Variants in TRPC4 observed in about 807,000 individuals in gnomAD.
The protein encoded by TRPC4 is transient receptor potential cation channel subfamily C member 4, also known as short transient receptor potential channel 4.
TRPC4 carries 49 observed loss-of-function variants against 99.4 expected under a neutral mutation model. The observed-to-expected ratio is 0.49, with a 90% CI of 0.39 to 0.63. TRPC4 has a LOEUF of 0.63. Ranked by LOEUF, TRPC4 falls within the 20% of genes least tolerant of loss-of-function variation. The probability of loss-of-function intolerance (pLI) is 0.00; values close to 1 mark genes in which losing one functional copy is unlikely to be tolerated. For missense variants in TRPC4, 898 were observed against 1,152.9 expected, an observed-to-expected ratio of 0.78 and a Z score of 3.20; for synonymous variants, 454 against 425.9, an observed-to-expected ratio of 1.07 and a Z score of -0.81.
chr13:37,746,537 A>G, intron 2 of TRPC4, 82 bp from the exon 3 acceptor site: 1 of 1,441,350 alleles, frequency 6.9e-7, no homozygotes, highest in South Asian at 1.4e-5. Context: ...CTATAGCAAT[A>G]TGGAACAGGG....
intron 3 of TRPC4, among the ~76,000 whole-genome samples, chr13:37,694,656 T>C (rs2138894168): frequency 6.6e-6 from 1 of 152,340 alleles, no homozygotes; most frequent in South Asian, 2.1e-4. Flanking sequence ...AAGTACTTTT[T>C]CTTTCTTTAG....
chr13:37,690,870 C>T (rs1195257013), intron 4 of TRPC4, among the ~76,000 whole-genome samples: 1 of 151,612 alleles, frequency 6.6e-6, no homozygotes, highest in East Asian at 1.9e-4. Flanking sequence ...AGAGTTAACC[C>T]AAACTGATAT....
chr13:37,796,502 T>A (rs1593763680), intron 1 of TRPC4, among the ~76,000 whole-genome samples: 1 of 152,128 alleles, frequency 6.6e-6, no homozygotes, highest in East Asian at 1.9e-4. Flanking sequence ...AGGTTTTTAT[T>A]ATGTTCTGCA....
intron 1 of TRPC4, among the ~76,000 whole-genome samples, chr13:37,792,610 A>G (rs1232186003): frequency 6.6e-6 from 1 of 152,126 alleles, no homozygotes; most frequent in African/African-American, 2.4e-5. Context: ...AAGATTAGAC[A>G]AAGAAAGGAA....
At chr13:37,686,685 C>G (rs561662115) in intron 4 of TRPC4, among the ~76,000 whole-genome samples, 7 of 152,258 alleles carry the variant, frequency 4.6e-5, no homozygotes, top group African/African-American at 1.7e-4. Flanking sequence ...AGGCAAGTTG[C>G]ATAATCTGGC....
In TRPC4 at chr13:37,746,129, A is replaced by G. The variant is rs953286247; in HGVS notation, c.705T>C (p.Asn235=). 3.7e-6 allele frequency: 6 copies of G among 1,613,710 alleles called. No individual in the cohort carries two copies. Among genetic ancestry groups the G allele is most frequent in the Admixed American group, 1.7e-5 (1 of 59,968 alleles). ...GCTCTTCATACTCCGACTTGAATTC[A>G]TTTTCCACCTTGCTCAGTTCCTGAA... ...WELQELSKVE[N]EFKSEYEELS... Residue 235 remains asparagine, a synonymous_variant, in exon 3 of 11, where the codon AAT becomes AAC. Coordinates refer to ENST00000379705, the MANE Select transcript of TRPC4 (RefSeq NM_016179.4).
At chr13:37,816,502 G>C (rs1957858369) in intron 1 of TRPC4, among the ~76,000 whole-genome samples, 1 of 151,788 alleles carries the variant, frequency 6.6e-6, no homozygotes, top group Admixed American at 6.6e-5. Context: ...TATTTGAGGA[G>C]AAAAGACTCC....
chr13:37,723,571 T>C (rs1283077552), intron 3 of TRPC4, among the ~76,000 whole-genome samples: 1 of 152,192 alleles, frequency 6.6e-6, no homozygotes, highest in Non-Finnish European at 1.5e-5. Flanking sequence ...TTTTGTTTTT[T>C]TGACAGAGTC....
At chr13:37,760,810 C>A (rs570041300) in intron 2 of TRPC4, among the ~76,000 whole-genome samples, 1 of 152,078 alleles carries the variant, frequency 6.6e-6, no homozygotes, top group Non-Finnish European at 1.5e-5. Flanking sequence ...GGAAGCCAAA[C>A]AATTAGACAT....
rs1490605916 is a variant in TRPC4 at position 37,637,271 on chromosome 13, C to A, written c.2566G>T (p.Ala856Ser). The part of the protein sequence containing the change: ...GLFHRRSKQN[A>S]AEQNANQIFS... ...ATTTGGTTTGCATTTTGCTCAGCAG[C>A]ATTTTGTTTTGATCGTCTATGAAAT... Residue 856 changes from alanine (A) to serine (S), a missense_variant, in exon 11 of 11, where the codon GCT becomes TCT. This residue lies in a region of TRPC4 where 346 missense variants were observed against 351.4 expected (regional missense o/e 0.98). Coordinates refer to ENST00000379705, the MANE Select transcript of TRPC4 (RefSeq NM_016179.4). The A allele has an allele frequency of 6.8e-6, 11 of 1,613,774 alleles. No individual in the cohort carries two copies. The highest frequency in any genetic ancestry group is 9.3e-6 in the Non-Finnish European group (11 of 1,179,884).
intron 3 of TRPC4, among the ~76,000 whole-genome samples, chr13:37,698,167 C>CTTTTT (rs67611413): frequency 2.3e-5 from 1 of 42,556 alleles, no homozygotes. Flanking sequence ...AAGGACTAAC[C>CTTTTT]TTTTTTTTTT....
Position 37,634,217 on chromosome 13 carries a change from C to T in TRPC4, c.*2686G>A, listed in dbSNP as rs545032389. The stretch of plus-strand genomic sequence containing the variant: ...GAATAGAAACGAACACCCTGAAGTA[C>T]GCACTTACAAACCTCAAAGAAACAG... On this transcript the variant is annotated 3_prime_UTR_variant, in exon 11 of 11. Coordinates refer to ENST00000379705, the MANE Select transcript of TRPC4 (RefSeq NM_016179.4). Among the ~76,000 whole-genome samples, 2 of 152,134 alleles carry T rather than the reference C, an allele frequency of 1.3e-5. No homozygotes were observed. Among genetic ancestry groups the T allele is most frequent in the African/African-American group, 4.8e-5 (2 of 41,536 alleles).
intron 2 of TRPC4, among the ~76,000 whole-genome samples, chr13:37,750,219 TG>T: frequency 6.6e-6 from 1 of 152,198 alleles, no homozygotes; most frequent in East Asian, 1.9e-4. Context: ...TTCATTTCAT[TG>T]TTAATGACAT....
At chr13:37,668,545 T>C (rs1264044421) in intron 5 of TRPC4, among the ~76,000 whole-genome samples, 1 of 152,120 alleles carries the variant, frequency 6.6e-6, no homozygotes, top group Non-Finnish European at 1.5e-5. Context: ...GAGATGAGTA[T>C]GAGAGGATGA....
At chr13:37,721,451 T>C (rs545431077) in intron 3 of TRPC4, among the ~76,000 whole-genome samples, 2 of 152,212 alleles carry the variant, frequency 1.3e-5, no homozygotes, top group East Asian at 3.9e-4. Context: ...TATCTTAGGG[T>C]TTATACTATG....
chr13:37,753,005 C>G (rs181103034), intron 2 of TRPC4, among the ~76,000 whole-genome samples: 154 of 152,074 alleles, frequency 1.0e-3, no homozygotes, highest in African/African-American at 3.5e-3. Context: ...CACACACACA[C>G]ACACAGTATA....
intron 3 of TRPC4, among the ~76,000 whole-genome samples, chr13:37,735,999 G>GA (rs570562848): frequency 1.3e-5 from 2 of 151,872 alleles, no homozygotes; most frequent in African/African-American, 4.8e-5. Flanking sequence ...AACTGTGGGG[G>GA]AAAAAAACAC....
intron 1 of TRPC4, among the ~76,000 whole-genome samples, chr13:37,810,974 A>G (rs1171255571): frequency 6.6e-6 from 1 of 151,978 alleles, no homozygotes; most frequent in Non-Finnish European, 1.5e-5. Flanking sequence ...CTTTTTTCAC[A>G]CTATTATAAT....
chr13:37,855,337 GAT>G (rs59525799), intron 1 of TRPC4, among the ~76,000 whole-genome samples: 2,309 of 136,300 alleles, frequency 0.017, 53 homozygotes, highest in African/African-American at 0.033. Flanking sequence ...ATACAATGTA[GAT>G]ATATATATAT....
Sources: allele counts gnomAD v4.1 joint callset (sites outside exome capture counted in the v4.1 genomes callset), GRCh38; gene constraint gnomAD v4.1.1; regional missense constraint gnomAD v4.1.1; transcripts MANE v1.5; gene names NCBI Gene and HGNC (gene_info 2026-07-23, HGNC 2026-07-21).